GMDS: variants seen among roughly 807,000 people sequenced by gnomAD.
GMDS encodes the protein GDP-mannose 4,6 dehydratase.
A neutral mutation model predicts 49.9 loss-of-function variants in GMDS; 20 were observed. The ratio of observed to expected loss-of-function variants is 0.40; its 90% CI spans 0.28 to 0.58. The LOEUF is 0.58. GMDS is among the 20% of genes least tolerant of loss of function. GMDS has a pLI of 0.42. For synonymous variants in GMDS, 177 were observed against 178.6 expected (o/e 0.99, Z 0.07); for missense variants, 362 against 481.4 (o/e 0.75, Z 2.32).
chr6:2,175,982 C>A (rs1778265878), intron 1 of GMDS: 1 of 1,534,188 alleles, frequency 6.5e-7, no homozygotes, highest in Non-Finnish European at 8.7e-7. Context: ...CAACAAACTG[C>A]CTGTGTACAA....
At chr6:1,965,707 C>G (rs1443487100) in intron 4 of GMDS, among the ~76,000 whole-genome samples, 1 of 151,992 alleles carries the variant, frequency 6.6e-6, no homozygotes, top group African/African-American at 2.4e-5. Flanking sequence ...GTGGCACATA[C>G]CAGTGGTCCC....
chr6:1,649,828 T>TGACA (rs758388222), intron 9 of GMDS, among the ~76,000 whole-genome samples: 10 of 152,366 alleles, frequency 6.6e-5, no homozygotes, highest in Middle Eastern at 3.4e-3. Flanking sequence ...ATCATGCTCC[T>TGACA]GACAGCTCTG....
intron 4 of GMDS, among the ~76,000 whole-genome samples, chr6:2,036,875 T>C (rs1361513029): frequency 6.6e-6 from 1 of 152,210 alleles, no homozygotes; most frequent in Non-Finnish European, 1.5e-5. Flanking sequence ...GCTCACCTTA[T>C]GCTATCCTGA....
chr6:1,883,861 AG>A (rs1759478947), intron 7 of GMDS, among the ~76,000 whole-genome samples: 1 of 152,234 alleles, frequency 6.6e-6, no homozygotes, highest in Admixed American at 6.5e-5. Flanking sequence ...AACCAAATAA[AG>A]GGCATAAACT....
chr6:2,162,776 A>G (rs1777470354), intron 1 of GMDS, among the ~76,000 whole-genome samples: 1 of 151,868 alleles, frequency 6.6e-6, no homozygotes, highest in South Asian at 2.1e-4. Context: ...GTAACGTCTA[A>G]GAAGTGGCCC....
chr6:2,169,244 C>T (rs1777820764), intron 1 of GMDS, among the ~76,000 whole-genome samples: 1 of 152,142 alleles, frequency 6.6e-6, no homozygotes, highest in Non-Finnish European at 1.5e-5. Flanking sequence ...ATCGTTATTA[C>T]AAAAATACTT....
chr6:1,662,464 C>T (rs1379696068), intron 9 of GMDS, among the ~76,000 whole-genome samples: 1 of 152,158 alleles, frequency 6.6e-6, no homozygotes, highest in Non-Finnish European at 1.5e-5. Flanking sequence ...ATTCTGGAAC[C>T]TGTGGCATGG....
intron 4 of GMDS, among the ~76,000 whole-genome samples, chr6:2,024,932 T>C (rs960732104): frequency 3.3e-5 from 5 of 152,016 alleles, no homozygotes; most frequent in African/African-American, 9.7e-5. Flanking sequence ...AAAAAGAAAG[T>C]TGATTTAGCA....
At position 1,928,370 on chromosome 6, in the gene GMDS, A is replaced by G. The variant is rs1762127507; in HGVS notation, c.771+1733T>C. The stretch of plus-strand genomic sequence containing the variant: ...CAGAGCGAGACTCTGCCTTAAGAAA[A>G]AAAAAAAAAAGAATACCTATAGCTT... On this transcript the variant is annotated intron_variant, in intron 7 of 10. Coordinates refer to ENST00000380815, the MANE Select transcript of GMDS (RefSeq NM_001500.4). 2.0e-5 allele frequency among the ~76,000 whole-genome samples: 3 copies of G among 152,186 alleles called. No individual in the cohort carries two copies. The South Asian group carries it at 6.2e-4, about 32-fold the overall frequency.
intron 4 of GMDS, among the ~76,000 whole-genome samples, chr6:2,044,718 T>TA (rs1028822801): frequency 1.3e-5 from 2 of 152,082 alleles, no homozygotes; most frequent in Admixed American, 6.6e-5. Context: ...TTTTAAAAGT[T>TA]AAAAAAAATG....
intron 7 of GMDS, among the ~76,000 whole-genome samples, chr6:1,827,012 A>C (rs1436671498): frequency 1.3e-5 from 2 of 151,826 alleles, no homozygotes; most frequent in Non-Finnish European, 2.9e-5. Flanking sequence ...GGTTACAGTG[A>C]GCTATGATTG....
chr6:2,140,015 G>C (rs990040979), intron 1 of GMDS, among the ~76,000 whole-genome samples: 1 of 152,168 alleles, frequency 6.6e-6, no homozygotes, highest in Non-Finnish European at 1.5e-5. Context: ...CAGGTAAAGT[G>C]AGTCAGCTGT....
Position 2,117,571 on chromosome 6 carries a change from T to C in GMDS, c.148-15A>G, listed in dbSNP as rs1024476807. 9 of 1,435,898 alleles carry C rather than the reference T, an allele frequency of 6.3e-6. No homozygotes were observed. The African/African-American group carries it at 9.8e-5, about 16-fold the overall frequency. 88.9% of individuals were successfully genotyped at this position (1,435,898 alleles called of 1,614,324 possible). On this transcript the variant is annotated splice_polypyrimidine_tract_variant and intron_variant, in intron 2 of 10. Coordinates refer to ENST00000380815, the MANE Select transcript of GMDS (RefSeq NM_001500.4). The stretch of plus-strand genomic sequence containing the variant: ...ATTCCATGGACCTGAGTTTTTACAG[T>C]GTGGAAAGATAAATGTGCAATGAGG...
At chr6:2,161,304 C>T (rs914850876) in intron 1 of GMDS, among the ~76,000 whole-genome samples, 15 of 152,150 alleles carry the variant, frequency 9.9e-5, no homozygotes, top group Non-Finnish European at 2.9e-5. Flanking sequence ...CCACCACACC[C>T]GGCCTATATG....
intron 6 of GMDS, among the ~76,000 whole-genome samples, chr6:1,934,529 T>C (rs1762433987): frequency 6.6e-6 from 1 of 152,240 alleles, no homozygotes. Context: ...CTTTCTCCTT[T>C]ATTTTGGTCT....
intron 4 of GMDS, among the ~76,000 whole-genome samples, chr6:2,022,735 GAA>G (rs1164757629): frequency 6.6e-6 from 1 of 152,074 alleles, no homozygotes; most frequent in Non-Finnish European, 1.5e-5. Context: ...GATGAAACAG[GAA>G]AAGAGCATTC....
At chr6:2,149,244 C>A (rs1030649842) in intron 1 of GMDS, among the ~76,000 whole-genome samples, 4 of 152,234 alleles carry the variant, frequency 2.6e-5, no homozygotes, top group Middle Eastern at 3.4e-3. Flanking sequence ...AATCATTGAA[C>A]AGCCAGTGGT....
rs113683837 is a variant in GMDS at position 1,675,752 on chromosome 6, C to T, written c.987+50664G>A. ...CCTGTAGTCCCAGCTACTCGGGAAG[C>T]TGAGGCAGGAGAATGGCGTGAACTC... On this transcript the variant is annotated intron_variant, in intron 9 of 10. Coordinates refer to ENST00000380815, the MANE Select transcript of GMDS (RefSeq NM_001500.4). Among the ~76,000 whole-genome samples, 46 of 151,798 alleles carry T rather than the reference C, an allele frequency of 3.0e-4. 2 individuals carry two copies. The highest frequency in any genetic ancestry group is 2.5e-3 in the East Asian group (13 of 5,160).
intron 4 of GMDS, among the ~76,000 whole-genome samples, chr6:2,011,452 A>G (rs1767553128): frequency 6.6e-6 from 1 of 152,236 alleles, no homozygotes; most frequent in Non-Finnish European, 1.5e-5. Context: ...CTTGGTATCT[A>G]TCCAGAGGAA....
Sources: allele counts gnomAD v4.1 joint callset (sites outside exome capture counted in the v4.1 genomes callset), GRCh38; gene constraint gnomAD v4.1.1; transcripts MANE v1.5; gene names NCBI Gene and HGNC (gene_info 2026-07-23, HGNC 2026-07-21).